Variants in ZNF804B observed in about 807,000 individuals in gnomAD.
ZNF804B encodes the protein zinc finger protein 804B.
Under a neutral mutation model 101.4 loss-of-function variants are expected in ZNF804B, and 80 were observed. The observed-to-expected ratio is 0.79, with a 90% CI of 0.66 to 0.95. The LOEUF is 0.95. ZNF804B is among the 40% of genes least tolerant of loss of function. The probability of loss-of-function intolerance (pLI) is 0.00; values close to 1 mark genes in which losing one functional copy is unlikely to be tolerated. For missense variants in ZNF804B, 1,673 were observed against 1,561.9 expected (o/e 1.07, Z -1.20); for synonymous variants, 622 against 558.8 (o/e 1.11, Z -1.59).
intron 2 of ZNF804B, among the ~76,000 whole-genome samples, chr7:89,311,688 C>T (rs1337065830): frequency 2.0e-5 from 3 of 152,174 alleles, no homozygotes; most frequent in African/African-American, 4.8e-5. Flanking sequence ...CAATTAAAAG[C>T]CCTGTGACTA....
intron 1 of ZNF804B, among the ~76,000 whole-genome samples, chr7:89,006,954 C>T (rs1477045316): frequency 1.3e-5 from 2 of 152,146 alleles, no homozygotes; most frequent in Admixed American, 6.6e-5. Context: ...GGGCAGGTGG[C>T]TTGACCAGCA....
At chr7:88,961,870 C>T (rs563018776) in intron 1 of ZNF804B, among the ~76,000 whole-genome samples, 2 of 151,470 alleles carry the variant, frequency 1.3e-5, no homozygotes, top group African/African-American at 4.8e-5. Flanking sequence ...TTTCATCAAT[C>T]TGGTCTGAGA....
At chr7:88,856,435 G>T (rs558917459) in intron 1 of ZNF804B, among the ~76,000 whole-genome samples, 30 of 152,254 alleles carry the variant, frequency 2.0e-4, no homozygotes, top group African/African-American at 6.7e-4. Context: ...AAGAATGCTT[G>T]TGATTTTTGC....
At chr7:89,304,026 C>T (rs1790523015) in intron 2 of ZNF804B, among the ~76,000 whole-genome samples, 2 of 151,858 alleles carry the variant, frequency 1.3e-5, no homozygotes, top group South Asian at 4.2e-4. Flanking sequence ...GACTATAGGA[C>T]CTTGACTTGA....
At chr7:88,892,095 G>C (rs1000622160) in intron 1 of ZNF804B, among the ~76,000 whole-genome samples, 1 of 151,966 alleles carries the variant, frequency 6.6e-6, no homozygotes, top group Non-Finnish European at 1.5e-5. Context: ...CCACCCTACT[G>C]TTAACATAAA....
intron 1 of ZNF804B, among the ~76,000 whole-genome samples, chr7:88,988,495 G>A (rs566069180): frequency 6.6e-6 from 1 of 152,220 alleles, no homozygotes; most frequent in East Asian, 1.9e-4. Context: ...AGCATCAACA[G>A]GTGTTAATAA....
intron 1 of ZNF804B, among the ~76,000 whole-genome samples, chr7:88,941,724 C>T (rs891680486): frequency 6.6e-6 from 1 of 151,830 alleles, no homozygotes; most frequent in Non-Finnish European, 1.5e-5. Context: ...ACAAAATATA[C>T]AATACCAGGA....
chr7:88,823,079 A>G (rs1791005974), intron 1 of ZNF804B, among the ~76,000 whole-genome samples: 1 of 152,112 alleles, frequency 6.6e-6, no homozygotes, highest in Non-Finnish European at 1.5e-5. Context: ...GCGTAGTGGC[A>G]GATGCCTGTA....
At chr7:88,913,059 A>G (rs1303972021) in intron 1 of ZNF804B, among the ~76,000 whole-genome samples, 2 of 152,180 alleles carry the variant, frequency 1.3e-5, no homozygotes, top group Non-Finnish European at 2.9e-5. Flanking sequence ...TTCCTGGTCA[A>G]CAAAGCCAGC....
At position 88,997,436 on chromosome 7, in the gene ZNF804B, TATC is replaced by T. The variant is rs1183471427; in HGVS notation, c.109-220716_109-220714del. On this transcript the variant is annotated intron_variant, in intron 1 of 3. Coordinates refer to ENST00000333190, the MANE Select transcript of ZNF804B (RefSeq NM_181646.5). ...TATTTAAACTACTGTATTTTTGTTTTATCATAGAACAACAGAATTCTTATTACA... is the reference window on the plus strand; with the variant it reads ...TATTTAAACTACTGTATTTTTGTTTTATAGAACAACAGAATTCTTATTACA... Among the ~76,000 whole-genome samples, 2 of 152,150 alleles carry T rather than the reference TATC, an allele frequency of 1.3e-5. 1 individual carries two copies. The highest frequency in any genetic ancestry group is 4.8e-5 in the African/African-American group (2 of 41,438).
intron 1 of ZNF804B, among the ~76,000 whole-genome samples, chr7:88,893,475 A>C (rs1261905073): frequency 6.6e-6 from 1 of 152,058 alleles, no homozygotes; most frequent in Admixed American, 6.6e-5. Context: ...CTCCTTTAAG[A>C]TTTCAAAAAA....
chr7:89,305,899 T>A (rs1204305207), intron 2 of ZNF804B, among the ~76,000 whole-genome samples: 1 of 152,032 alleles, frequency 6.6e-6, no homozygotes, highest in South Asian at 2.1e-4. Context: ...TTTATTCTGA[T>A]ACTTTGTAAA....
chr7:89,091,230 AAAAAGT>A (rs534981359), intron 1 of ZNF804B, among the ~76,000 whole-genome samples: 183 of 152,104 alleles, frequency 1.2e-3, no homozygotes, highest in African/African-American at 4.2e-3. Flanking sequence ...AGGAAAAAAA[AAAAAGT>A]AAAGTCTTTC....
chr7:89,310,623 G>A lies in ZNF804B; in HGVS notation c.250-16721G>A, dbSNP rs190710799. ...ATGTTCAAACTAAATACTTCTGTCTGCAATATTCTCAGCAGCAGGCATCGC... is the reference window on the plus strand; with the variant it reads ...ATGTTCAAACTAAATACTTCTGTCTACAATATTCTCAGCAGCAGGCATCGC... On this transcript the variant is annotated intron_variant, in intron 2 of 3. Coordinates refer to ENST00000333190, the MANE Select transcript of ZNF804B (RefSeq NM_181646.5). Among the ~76,000 whole-genome samples the A allele has an allele frequency of 2.7e-3, 411 of 152,264 alleles. 2 individuals carry two copies. The highest frequency in any genetic ancestry group is 9.6e-3 in the African/African-American group (397 of 41,558).
intron 1 of ZNF804B, among the ~76,000 whole-genome samples, chr7:89,069,391 C>T (rs1055541400): frequency 3.9e-4 from 60 of 152,038 alleles, no homozygotes; most frequent in African/African-American, 1.4e-3. Flanking sequence ...CATTATAGAA[C>T]TAATATGAGC....
chr7:89,170,995 G>C (rs571858894), intron 1 of ZNF804B, among the ~76,000 whole-genome samples: 1 of 152,224 alleles, frequency 6.6e-6, no homozygotes, highest in South Asian at 2.1e-4. Flanking sequence ...AATCTGGCAT[G>C]ATCAAATCCT....
At chr7:89,065,431 T>A (rs1225214996) in intron 1 of ZNF804B, among the ~76,000 whole-genome samples, 1 of 152,128 alleles carries the variant, frequency 6.6e-6, no homozygotes, top group South Asian at 2.1e-4. Flanking sequence ...CGTATGTATT[T>A]TTTTTTCTTT....
At chr7:89,231,133 G>A (rs879203419) in intron 2 of ZNF804B, among the ~76,000 whole-genome samples, 1 of 152,032 alleles carries the variant, frequency 6.6e-6, no homozygotes, top group Non-Finnish European at 1.5e-5. Context: ...TGTGCATGAT[G>A]TGAGGCAAGG....
At chr7:88,844,889 C>A (rs1266091864) in intron 1 of ZNF804B, among the ~76,000 whole-genome samples, 1 of 152,036 alleles carries the variant, frequency 6.6e-6, no homozygotes, top group African/African-American at 2.4e-5. Context: ...TGTTGCAGAC[C>A]ATTTTGTCTC....
Sources: gnomAD v4.1 joint callset for allele counts (sites outside exome capture counted in the v4.1 genomes callset) on GRCh38, gnomAD v4.1.1 for gene constraint, MANE v1.5 for transcripts, NCBI Gene and HGNC (gene_info 2026-07-23, HGNC 2026-07-21) for gene names.